The following TRAF2 variants were observed in gnomAD, a reference collection of about 807,000 sequenced individuals.
TRAF2 encodes TNF receptor associated factor 2.
In TRAF2, 6 loss-of-function variants were observed where a neutral mutation model predicts 55.6. The ratio of observed to expected loss-of-function variants is 0.11; its 90% CI spans 0.06 to 0.21. The LOEUF (loss-of-function observed/expected upper bound fraction) is 0.21. Among genes scored for constraint, TRAF2 ranks in the 10% least tolerant of loss-of-function variants. TRAF2 has a pLI of 1.00. For synonymous variants in TRAF2, 329 were observed against 276.3 expected, an observed-to-expected ratio of 1.19 and a Z score of -1.89; for missense variants, 561 against 684.5, an observed-to-expected ratio of 0.82 and a Z score of 2.01.
At chr9:136,925,551 G>T (rs937314673) in intron 10 of TRAF2, 132 bp from the exon 11 acceptor site, 29 of 920,424 alleles carry the variant, frequency 3.2e-5, no homozygotes, top group African/African-American at 3.1e-4. Flanking sequence ...CGTGGTCTCG[G>T]CTGGGCCTCA....
In TRAF2 at chr9:136,908,218, G is replaced by A; in HGVS notation, c.515G>A (p.Gly172Glu). 1 of 1,589,510 alleles carries A rather than the reference G, an allele frequency of 6.3e-7. No individual in the cohort carries two copies. The highest frequency in any genetic ancestry group is 8.5e-7 in the Non-Finnish European group (1 of 1,175,338). Residue 172 changes from glycine (G) to glutamate (E), a missense_variant, in exon 5 of 11, where the codon GGA becomes GAA. Physicochemically the swap from Gly to Glu is moderately conservative, Grantham distance 98. This residue lies in a region of TRAF2 where 426 missense variants were observed against 476.8 expected (regional missense o/e 0.89). Transcript: ENST00000247668. ...CGGCATTGCCGGGCACCCTGCTGCG[G>A]AGCAGACGTGAAGGTGCGTGGGGTG... ...SCRHCRAPCCGADVKAHHEVC... is the reference protein window; with the variant it reads ...SCRHCRAPCCEADVKAHHEVC...
rs926930371 is a variant in TRAF2, at chr9:136,912,160, T to C, written c.603+2166T>C. Among the ~76,000 whole-genome samples the C allele has an allele frequency of 3.8e-3, 60 of 15,760 alleles. No homozygotes were observed. In the East Asian group the frequency reaches 0.11, roughly 29 times the overall value. 10.3% of individuals were successfully genotyped at this position (15,760 alleles called of 152,430 possible). A position where few individuals can be genotyped will look rare whatever the true frequency, so the allele number is the denominator to read the frequency against. ...AGCCACTGCGTCTGGCCCTTTTTTT[T>C]TTTTTTTTTTTTTTTTTTTGGAGAC... is the stretch of plus-strand genomic sequence containing the variant. On this transcript the variant is annotated intron_variant, in intron 6 of 10. Coordinates refer to ENST00000247668, the MANE Select transcript of TRAF2 (RefSeq NM_021138.4).
At chr9:136,917,194 G>T (rs755208207) in intron 7 of TRAF2, among the ~76,000 whole-genome samples, 2 of 152,184 alleles carry the variant, frequency 1.3e-5, no homozygotes, top group Admixed American at 6.5e-5. Context: ...GTTCTTTTCC[G>T]TTCTGGCCTG....
upstream of TRAF2, among the ~76,000 whole-genome samples, chr9:136,883,864 C>A (rs1248324939): frequency 2.0e-5 from 3 of 149,494 alleles, no homozygotes; most frequent in Non-Finnish European, 4.4e-5. Context: ...GCTCTGTCGC[C>A]AGGCTGGAGT....
At chr9:136,910,453 ACTT>A (rs1288339450) in intron 6 of TRAF2, among the ~76,000 whole-genome samples, 4 of 152,142 alleles carry the variant, frequency 2.6e-5, no homozygotes, top group Non-Finnish European at 4.4e-5. Context: ...TGGTGTCCTT[ACTT>A]CTTTCAGGAA....
At position 136,892,624 on chromosome 9, in the gene TRAF2, A is replaced by C. The variant is rs545584294; in HGVS notation, c.-29+6083A>C. ...GCCAGGCACAGTGGCTCATGCCTAT[A>C]ATCTCAGCACTTTGGGAGATTGAGG... On this transcript the variant is annotated intron_variant, in intron 1 of 10. Transcript: ENST00000247668. Among the ~76,000 whole-genome samples the C allele has an allele frequency of 7.9e-5, 12 of 152,292 alleles. No individual in the cohort carries two copies. The East Asian group carries it at 2.3e-3, about 29-fold the overall frequency.
At chr9:136,916,334 GCA>G (rs1366508285) in intron 6 of TRAF2, among the ~76,000 whole-genome samples, 1 of 152,082 alleles carries the variant, frequency 6.6e-6, no homozygotes, top group Non-Finnish European at 1.5e-5. Flanking sequence ...TCAGTTACTG[GCA>G]CAGTGTGCAT....
In TRAF2 at chr9:136,907,209, C is replaced by T. The variant is rs146723795; in HGVS notation, c.367-861C>T. Among the ~76,000 whole-genome samples, 571 of 152,368 alleles carry T rather than the reference C, an allele frequency of 3.7e-3. 2 individuals carry two copies. The highest frequency in any genetic ancestry group is 0.012 in the African/African-American group (516 of 41,580). On this transcript the variant is annotated intron_variant, in intron 4 of 10. Coordinates refer to ENST00000247668, the MANE Select transcript of TRAF2 (RefSeq NM_021138.4). ...GTCCACAGTCCTCTGCCTCGCCTGA[C>T]GCTTAGCCTGCGGCACCGGCTCCCG...
At chr9:136,921,805 G>C (rs1850393150) in intron 9 of TRAF2, among the ~76,000 whole-genome samples, 2 of 152,248 alleles carry the variant, frequency 1.3e-5, no homozygotes, top group Admixed American at 1.3e-4. Context: ...CCCAGCTGCA[G>C]GCTCCTGCCA....
At position 136,925,791 on chromosome 9, in the gene TRAF2, G is replaced by T. The variant is rs1465825300; in HGVS notation, c.1396G>T (p.Ala466Ser). ...FQRPVNDMNI[A>S]SGCPLFCPVS... ...GAGGCCAGTCAACGACATGAACATC[G>T]CAAGCGGCTGCCCCCTCTTCTGCCC... is the stretch of plus-strand genomic sequence containing the variant. The change falls in exon 11 of 11, where the codon GCA (alanine) becomes TCA (serine). Residue 466 changes from alanine to serine, a missense_variant. Ala to Ser is a moderately conservative substitution (Grantham distance 99, BLOSUM62 1). This residue lies in a region of TRAF2 where 135 missense variants were observed against 207.7 expected (regional missense o/e 0.65). Coordinates refer to ENST00000247668, the MANE Select transcript of TRAF2 (RefSeq NM_021138.4). The T allele has an allele frequency of 6.2e-7, 1 of 1,614,214 alleles. No homozygotes were observed. The highest frequency in any genetic ancestry group is 1.7e-5 in the Admixed American group (1 of 60,030).
At chr9:136,890,873 C>T (rs1031576544) in intron 1 of TRAF2, among the ~76,000 whole-genome samples, 16 of 152,142 alleles carry the variant, frequency 1.1e-4, no homozygotes, top group African/African-American at 3.9e-4. Flanking sequence ...TCACGATGGC[C>T]ACGTGAGGCC....
intron 1 of TRAF2, among the ~76,000 whole-genome samples, chr9:136,892,146 A>G (rs895720611): frequency 9.9e-5 from 15 of 152,194 alleles, no homozygotes; most frequent in Non-Finnish European, 2.2e-4. Context: ...TATAATAAGT[A>G]TAAAATAGGA....
chr9:136,920,032 T>A (rs997272146), intron 7 of TRAF2, among the ~76,000 whole-genome samples: 2 of 152,224 alleles, frequency 1.3e-5, no homozygotes, highest in African/African-American at 4.8e-5. Context: ...CTAAGTTCTA[T>A]AGCTTCACGT....
chr9:136,907,959 C>T (rs1588432497), intron 4 of TRAF2, 111 bp from the exon 5 acceptor site: 2 of 1,399,210 alleles, frequency 1.4e-6, no homozygotes, highest in Non-Finnish European at 9.7e-7. Flanking sequence ...CCCCCAGGAC[C>T]AGCATGCGGA....
At chr9:136,887,085 C>T (rs1413358209) in intron 1 of TRAF2, among the ~76,000 whole-genome samples, 1 of 152,214 alleles carries the variant, frequency 6.6e-6, no homozygotes, top group East Asian at 1.9e-4. Context: ...GACTCTGCTG[C>T]CTTCCTGCCC....
intron 1 of TRAF2, among the ~76,000 whole-genome samples, chr9:136,892,982 C>CT (rs1344555460): frequency 2.0e-5 from 3 of 152,210 alleles, no homozygotes; most frequent in Non-Finnish European, 2.9e-5. Flanking sequence ...CTTATGAAGA[C>CT]TAAGTGTAGT....
intron 7 of TRAF2, among the ~76,000 whole-genome samples, chr9:136,918,794 G>A (rs1850307359): frequency 6.6e-6 from 1 of 151,666 alleles, no homozygotes; most frequent in Non-Finnish European, 1.5e-5. Context: ...GGAGTGCAGT[G>A]GCGCCATCTC....
At chr9:136,913,705 T>C (rs1233287798) in intron 6 of TRAF2, among the ~76,000 whole-genome samples, 4 of 152,234 alleles carry the variant, frequency 2.6e-5, no homozygotes, top group Non-Finnish European at 5.9e-5. Context: ...AGGGTTTTTT[T>C]TAAAGATTTG....
rs1850460032 is a variant in TRAF2, at chr9:136,923,931, C to T, written c.1218C>T (p.His406=). 2 of 1,614,070 alleles carry T rather than the reference C, an allele frequency of 1.2e-6. No individual in the cohort carries two copies. The highest frequency in any genetic ancestry group is 2.2e-5 in the South Asian group (2 of 91,080). Residue 406 remains histidine (H), a synonymous_variant, in exon 10 of 11, where the codon CAC becomes CAT. Coordinates refer to ENST00000247668, the MANE Select transcript of TRAF2 (RefSeq NM_021138.4). ...GCGACGGCACCGGGCGAGGAACACA[C>T]CTGTCCCTCTTCTTTGTGGTGATGA... The part of the protein sequence containing the change: ...LNGDGTGRGT[H]LSLFFVVMKG...
Sources: gnomAD v4.1 joint callset for allele counts (sites outside exome capture counted in the v4.1 genomes callset) on GRCh38, gnomAD v4.1.1 for gene constraint, gnomAD v4.1.1 regional missense constraint, MANE v1.5 for transcripts, NCBI Gene and HGNC (gene_info 2026-07-23, HGNC 2026-07-21) for gene names.